Variants in MACROH2A2 observed in about 807,000 individuals in gnomAD.
MACROH2A2 encodes core histone macro-H2A.2.
MACROH2A2 carries 6 observed loss-of-function variants against 37.6 expected under a neutral mutation model. The observed-to-expected ratio is 0.16, with a 90% CI of 0.09 to 0.32. MACROH2A2 has a LOEUF of 0.32. Among genes scored for constraint, MACROH2A2 ranks in the 10% least tolerant of loss-of-function variants. The probability of loss-of-function intolerance (pLI) is 1.00; values close to 1 mark genes in which losing one functional copy is unlikely to be tolerated. For synonymous variants in MACROH2A2, 192 were observed against 202.7 expected, an observed-to-expected ratio of 0.95 and a Z score of 0.45; for missense variants, 290 against 485.9, an observed-to-expected ratio of 0.60 and a Z score of 3.79.
Position 70,111,794 on chromosome 10 carries a change from G to A in MACROH2A2, c.*111G>A, listed in dbSNP as rs1461026857. Reference sequence around the variant, plus strand: ...TGGCAGGGGAGTGGAGGGTGGCCGGGCAGGTCCTGCCGGCGCAGGGAGCCC... The same window carrying A: ...TGGCAGGGGAGTGGAGGGTGGCCGGACAGGTCCTGCCGGCGCAGGGAGCCC... On this transcript the variant is annotated 3_prime_UTR_variant, in exon 9 of 9. Transcript: ENST00000373255. The A allele has an allele frequency of 4.4e-6, 4 of 918,286 alleles. No individual in the cohort carries two copies. The Admixed American group carries it at 1.0e-4, about 24-fold the overall frequency. The allele number at this position is 918,286 out of a possible 1,614,324, so 56.9% of individuals were successfully genotyped here.
At position 70,093,729 on chromosome 10, in the gene MACROH2A2, C is replaced by T. The variant is rs767427903; in HGVS notation, c.478-6C>T. The T allele has an allele frequency of 7.4e-5, 115 of 1,544,766 alleles. 1 individual carries two copies. The Admixed American group carries it at 8.9e-4, about 12-fold the overall frequency. On this transcript the variant is annotated splice_polypyrimidine_tract_variant and splice_region_variant and intron_variant, in intron 4 of 8. Coordinates refer to ENST00000373255, the MANE Select transcript of MACROH2A2 (RefSeq NM_018649.3). Reference sequence around the variant, plus strand: ...TCTCATCTTGCCTTTTGATTTTTACCGACAGTCCAAACCAAAGGACAGCGA... The same window carrying T: ...TCTCATCTTGCCTTTTGATTTTTACTGACAGTCCAAACCAAAGGACAGCGA...
chr10:70,056,991 T>TC (rs904712981), intron 1 of MACROH2A2, among the ~76,000 whole-genome samples: 3 of 152,082 alleles, frequency 2.0e-5, no homozygotes. Flanking sequence ...AGAATTTTTT[T>TC]CCCCAATATA....
chr10:70,077,770 T>C (rs1421455515), intron 2 of MACROH2A2, among the ~76,000 whole-genome samples: 2 of 152,206 alleles, frequency 1.3e-5, no homozygotes, highest in African/African-American at 4.8e-5. Flanking sequence ...AGATATACTC[T>C]CAAAGGGTCT....
intron 2 of MACROH2A2, among the ~76,000 whole-genome samples, chr10:70,082,524 G>A (rs1397076593): frequency 2.0e-5 from 3 of 152,206 alleles, no homozygotes; most frequent in Non-Finnish European, 4.4e-5. Flanking sequence ...CAGCCGAAAG[G>A]TGGAAGCAAC....
chr10:70,098,391 G>A (rs2072287642), intron 6 of MACROH2A2: 1 of 148,390 alleles, frequency 6.7e-6, no homozygotes, highest in Admixed American at 6.7e-5. Context: ...GGGAGGGAAG[G>A]AGGGGGAGGG....
intron 8 of MACROH2A2, 151 bp from the exon 9 acceptor site, chr10:70,111,367 C>T (rs906882607): frequency 2.8e-5 from 16 of 567,580 alleles, no homozygotes; most frequent in Non-Finnish European, 4.5e-5. Context: ...CTGCCACCCC[C>T]AGGCTGTCCC....
rs1328883536 is a variant in MACROH2A2, at chr10:70,110,898, A to G, written c.954-620A>G. Among the ~76,000 whole-genome samples the G allele has an allele frequency of 2.6e-5, 4 of 151,990 alleles. No individual in the cohort carries two copies. In the East Asian group the frequency reaches 7.7e-4, roughly 29 times the overall value. On this transcript the variant is annotated intron_variant, in intron 8 of 8. Transcript: ENST00000373255. ...GCAAGACTTTGCCTCTGAAAAAAAA[A>G]CTAATTTAAAAAAAGTATAATAAAA... is the stretch of plus-strand genomic sequence containing the variant.
At position 70,075,721 on chromosome 10, in the gene MACROH2A2, C is replaced by T; in HGVS notation, c.63C>T (p.Val21=). ...TGTCCCGTTCAGCTAGGGCAGGTGT[C>T]ATCTTTCCAGTGGGGAGGCTGATGC... is the stretch of plus-strand genomic sequence containing the variant. ...SKLSRSARAG[V]IFPVGRLMRY... The change falls in exon 2 of 9, where the codon GTC becomes GTT. Residue 21 remains valine (V), a synonymous_variant. Transcript: ENST00000373255. The surrounding 1 kb of genome is among the most constrained non-coding windows in gnomAD (Gnocchi z 5.0). 2.5e-6 allele frequency: 4 copies of T among 1,614,130 alleles called. No homozygotes were observed. Among genetic ancestry groups the T allele is most frequent in the Non-Finnish European group, 3.4e-6 (4 of 1,179,978 alleles).
Position 70,072,398 on chromosome 10 carries a change from T to C in MACROH2A2, c.-59-3202T>C, listed in dbSNP as rs185546207. ...TCCACTGGAAAGTCTTTAGGGACAA[T>C]AACACGCACGGAGCTGTCATCTCCT... is the stretch of plus-strand genomic sequence containing the variant. On this transcript the variant is annotated intron_variant, in intron 1 of 8. Transcript: ENST00000373255. 2.8e-4 allele frequency among the ~76,000 whole-genome samples: 43 copies of C among 152,256 alleles called. No homozygotes were observed. In the East Asian group the frequency reaches 7.9e-3, roughly 28 times the overall value.
rs2072018696 is a variant in MACROH2A2, at chr10:70,056,567, T to A, written c.-60+3567T>A. 2.0e-5 allele frequency among the ~76,000 whole-genome samples: 3 copies of A among 152,184 alleles called. No homozygotes were observed. In the South Asian group the frequency reaches 6.2e-4, roughly 31 times the overall value. ...AATACATAACGATATACACAAAAAA[T>A]TTACTACAGTAGTTTGTAAAGGGAG... On this transcript the variant is annotated intron_variant, in intron 1 of 8. Coordinates refer to ENST00000373255, the MANE Select transcript of MACROH2A2 (RefSeq NM_018649.3).
At chr10:70,097,724 C>A (rs1275530730) in intron 6 of MACROH2A2, among the ~76,000 whole-genome samples, 2 of 152,154 alleles carry the variant, frequency 1.3e-5, no homozygotes, top group Non-Finnish European at 2.9e-5. Context: ...AACACAGCCA[C>A]AATACCATTA....
At chr10:70,095,119 A>G (rs2072267045) in intron 5 of MACROH2A2, among the ~76,000 whole-genome samples, 1 of 152,236 alleles carries the variant, frequency 6.6e-6, no homozygotes, top group African/African-American at 2.4e-5. Context: ...CTGTAATCCC[A>G]GCACTTTGGG....
intron 7 of MACROH2A2, among the ~76,000 whole-genome samples, chr10:70,101,127 A>AG (rs1413197061): frequency 3.3e-5 from 5 of 152,174 alleles, no homozygotes; most frequent in African/African-American, 1.2e-4. Flanking sequence ...AAGTGGGTCC[A>AG]GGGGGCTGTC....
Position 70,075,967 on chromosome 10 carries a change from A to C in MACROH2A2, c.172+137A>C. The C allele has an allele frequency of 1.5e-6, 1 of 680,452 alleles. No homozygotes were observed. 42.2% of individuals were successfully genotyped at this position (680,452 alleles called of 1,614,324 possible). On this transcript the variant is annotated intron_variant, in intron 2 of 8. Transcript: ENST00000373255. This position sits in a 1 kb window ranked among gnomAD's most constrained non-coding sequence, Gnocchi z 5.0. ...CTACTGTGGGTGGTGACAGGGTTGC[A>C]ACTGGCCTGCTTGGCTAAAATCAAC...
intron 2 of MACROH2A2, among the ~76,000 whole-genome samples, chr10:70,083,954 T>C (rs2072196002): frequency 6.6e-6 from 1 of 151,970 alleles, no homozygotes; most frequent in Non-Finnish European, 1.5e-5. Context: ...GCGTTTTGTA[T>C]GTGCTGACAG....
Position 70,096,598 on chromosome 10 carries a change from G to A in MACROH2A2, c.688+845G>A, listed in dbSNP as rs138410167. 4.4e-3 allele frequency among the ~76,000 whole-genome samples: 671 copies of A among 152,206 alleles called. 4 individuals are homozygous for A. The highest frequency in any genetic ancestry group is 0.015 in the African/African-American group (643 of 41,522). ...CTTGGGAGGGTAAGCTGTTATGGGC[G>A]CTGGAAATAACAGCATGCTAACAGT... On this transcript the variant is annotated intron_variant, in intron 6 of 8. Coordinates refer to ENST00000373255, the MANE Select transcript of MACROH2A2 (RefSeq NM_018649.3).
intron 1 of MACROH2A2, among the ~76,000 whole-genome samples, chr10:70,058,416 G>C (rs2072029715): frequency 6.6e-6 from 1 of 152,206 alleles, no homozygotes; most frequent in Non-Finnish European, 1.5e-5. Flanking sequence ...TGTCAGAAGG[G>C]TTAGATACAC....
intron 1 of MACROH2A2, among the ~76,000 whole-genome samples, chr10:70,072,793 C>T (rs2072118234): frequency 6.6e-6 from 1 of 152,142 alleles, no homozygotes; most frequent in South Asian, 2.1e-4. Context: ...CTCGTCTCTA[C>T]TAAAAATACA....
chr10:70,070,029 G>T (rs2072100169), intron 1 of MACROH2A2, among the ~76,000 whole-genome samples: 1 of 152,104 alleles, frequency 6.6e-6, no homozygotes, highest in Non-Finnish European at 1.5e-5. Context: ...TCTGGTAGAT[G>T]TAACATGTCA....
Sources: allele counts gnomAD v4.1 joint callset (sites outside exome capture counted in the v4.1 genomes callset), GRCh38; gene constraint gnomAD v4.1.1; non-coding constraint Gnocchi (gnomAD v3.1); transcripts MANE v1.5; gene names NCBI Gene and HGNC (gene_info 2026-07-23, HGNC 2026-07-21).